Variants in NCOR2 observed in about 807,000 individuals in gnomAD.
NCOR2 encodes the protein nuclear receptor corepressor 2, also known as CTG repeat protein 26.
A neutral mutation model predicts 262.9 loss-of-function variants in NCOR2; 81 were observed. The ratio of observed to expected loss-of-function variants is 0.31; its 90% CI spans 0.26 to 0.37. The LOEUF is 0.37. NCOR2 is among the 10% of genes least tolerant of loss of function. The pLI, the probability that NCOR2 is intolerant of heterozygous loss-of-function variation, is 1.00. For missense variants in NCOR2, 3,385 were observed against 3,621.4 expected, an observed-to-expected ratio of 0.93 and a Z score of 1.68; for synonymous variants, 1,659 against 1,559.3, an observed-to-expected ratio of 1.06 and a Z score of -1.51.
At chr12:124,521,196 C>A (rs746397377) in intron 1 of NCOR2, among the ~76,000 whole-genome samples, 1 of 152,210 alleles carries the variant, frequency 6.6e-6, no homozygotes, top group Admixed American at 6.5e-5. Context: ...TGGAAGAGAC[C>A]CCCACTCACT....
intron 16 of NCOR2, chr12:124,388,861 AC>A: frequency 2.2e-6 from 1 of 456,428 alleles, no homozygotes; most frequent in Non-Finnish European, 3.7e-6. Flanking sequence ...TCTCCGTCCC[AC>A]GGTGAGGGAG....
At chr12:124,342,612 C>T (rs1297291382) in intron 33 of NCOR2, among the ~76,000 whole-genome samples, 6 of 152,328 alleles carry the variant, frequency 3.9e-5, no homozygotes, top group African/African-American at 1.4e-4. Context: ...TTGTGATCCG[C>T]CTGCCTCGGC....
chr12:124,494,220 GACACACAC>G (rs368597712), intron 1 of NCOR2, among the ~76,000 whole-genome samples: 14 of 151,670 alleles, frequency 9.2e-5, no homozygotes, highest in African/African-American at 2.7e-4. Flanking sequence ...AGGCAGGACA[GACACACAC>G]ACACACGCAC....
chr12:124,541,877 G>GA (rs1594041190), intron 1 of NCOR2, among the ~76,000 whole-genome samples: 3 of 90,640 alleles, frequency 3.3e-5, no homozygotes, highest in East Asian at 8.8e-4. Flanking sequence ...GATGGAGGGG[G>GA]TGGGGAGTGG....
At chr12:124,419,841 A>G in intron 13 of NCOR2, 116 bp downstream of exon 15, 1 of 941,316 alleles carries the variant, frequency 1.1e-6, no homozygotes, top group Admixed American at 1.8e-5. Flanking sequence ...GTGGCCAAGC[A>G]ACAACAACTC....
Position 124,394,565 on chromosome 12 carries a change from A to G in NCOR2, c.1876+3554T>C, listed in dbSNP as rs1724821604. On this transcript the variant is annotated intron_variant, in intron 16 of 46. Coordinates refer to ENST00000405201, the Ensembl canonical transcript of NCOR2. ...TACTGGATTGGGGTGGGTCCTTGTAAGAAGAGGAAAATGTGGACAGAGACA... is the reference window on the plus strand; with the variant it reads ...TACTGGATTGGGGTGGGTCCTTGTAGGAAGAGGAAAATGTGGACAGAGACA... 2.0e-5 allele frequency among the ~76,000 whole-genome samples: 3 copies of G among 152,228 alleles called. No homozygotes were observed. In the South Asian group the frequency reaches 6.2e-4, roughly 31 times the overall value.
At chr12:124,506,978 G>A (rs1192703035) in intron 1 of NCOR2, among the ~76,000 whole-genome samples, 2 of 152,190 alleles carry the variant, frequency 1.3e-5, no homozygotes, top group Non-Finnish European at 2.9e-5. Context: ...TAAAGGATGC[G>A]GACGGGGTTG....
Position 124,412,811 on chromosome 12 carries a change from C to T in NCOR2, c.1482+7146G>A, listed in dbSNP as rs114775411. Among the ~76,000 whole-genome samples, 391 of 152,338 alleles carry T rather than the reference C, an allele frequency of 2.6e-3. 3 individuals carry two copies. The highest frequency in any genetic ancestry group is 8.9e-3 in the African/African-American group (369 of 41,562). On this transcript the variant is annotated intron_variant, in intron 13 of 46. Coordinates refer to ENST00000405201, the Ensembl canonical transcript of NCOR2. ...CGGCCTTATTGTGGGGTGAGGGGTGCGGCCCAGTGACTGGGTTTCCCCAGC... is the reference window on the plus strand; with the variant it reads ...CGGCCTTATTGTGGGGTGAGGGGTGTGGCCCAGTGACTGGGTTTCCCCAGC...
chr12:124,337,003 G>C, exon 38 of NCOR2: 1 of 1,509,712 alleles, frequency 6.6e-7, no homozygotes, highest in Non-Finnish European at 8.8e-7. Context: ...TGGCGAGGAA[G>C]GCATGGCCGG....
exon 40 of NCOR2, chr12:124,335,244 G>T: frequency 6.2e-7 from 1 of 1,608,594 alleles, no homozygotes; most frequent in African/African-American, 1.3e-5. Flanking sequence ...CCGCAGGTGT[G>T]GGAGGTGGGC....
chr12:124,377,314 CT>C (rs2040080007), intron 18 of NCOR2, among the ~76,000 whole-genome samples: 1 of 152,192 alleles, frequency 6.6e-6, no homozygotes, highest in Non-Finnish European at 1.5e-5. Context: ...AAACAACACA[CT>C]CCGTGGTACC....
At chr12:124,458,570 A>T (rs1269356827) in intron 5 of NCOR2, among the ~76,000 whole-genome samples, 1 of 152,208 alleles carries the variant, frequency 6.6e-6, no homozygotes, top group African/African-American at 2.4e-5. Context: ...TCACTTCTCC[A>T]AGCACCTGCC....
At chr12:124,431,417 C>T (rs1369386348) in intron 8 of NCOR2, among the ~76,000 whole-genome samples, 1 of 150,584 alleles carries the variant, frequency 6.6e-6, no homozygotes, top group Non-Finnish European at 1.5e-5. Flanking sequence ...GGCAGACAGA[C>T]AGACAGACAC....
intron 10 of NCOR2, 53 bp from the exon 13 acceptor site, chr12:124,426,853 C>G: frequency 1.3e-6 from 2 of 1,488,824 alleles, no homozygotes; most frequent in Non-Finnish European, 1.8e-6. Flanking sequence ...GTGCTCCGGC[C>G]GGCGCAGGGG....
chr12:124,538,943 C>T (rs2051201944), upstream of NCOR2: 1 of 152,374 alleles, frequency 6.6e-6, no homozygotes, highest in South Asian at 2.1e-4. Context: ...GGAGGAGTCA[C>T]CCAAGGCCAC....
At chr12:124,521,190 A>G (rs1363344971) in intron 1 of NCOR2, among the ~76,000 whole-genome samples, 2 of 152,248 alleles carry the variant, frequency 1.3e-5, no homozygotes, top group Non-Finnish European at 2.9e-5. Flanking sequence ...TCCAGCTGGA[A>G]GAGACCCCCA....
At chr12:124,353,006 T>C (rs1241726657) in intron 27 of NCOR2, among the ~76,000 whole-genome samples, 5 of 152,226 alleles carry the variant, frequency 3.3e-5, no homozygotes, top group African/African-American at 1.2e-4. Context: ...GGCCACACGC[T>C]GACTTCCTCA....
chr12:124,360,473 A>G (rs2038470553), intron 22 of NCOR2, among the ~76,000 whole-genome samples: 1 of 152,198 alleles, frequency 6.6e-6, no homozygotes, highest in African/African-American at 2.4e-5. Context: ...CCCTTGACTC[A>G]ACAACGGCCA....
At chr12:124,528,474 A>G (rs1265562416) in intron 1 of NCOR2, among the ~76,000 whole-genome samples, 1 of 152,146 alleles carries the variant, frequency 6.6e-6, no homozygotes, top group Non-Finnish European at 1.5e-5. Flanking sequence ...TCCATATGCC[A>G]TGCTCCTCCC....
Sources: gnomAD v4.1 joint callset for allele counts (sites outside exome capture counted in the v4.1 genomes callset) on GRCh38, gnomAD v4.1.1 for gene constraint, MANE v1.5 for transcripts, NCBI Gene and HGNC (gene_info 2026-07-23, HGNC 2026-07-21) for gene names.